Variants in ARRDC4 observed in about 807,000 individuals in gnomAD.
ARRDC4 encodes arrestin domain containing 4, also known as arrestin domain-containing protein 4.
ARRDC4 carries 40 observed loss-of-function variants against 44.6 expected under a neutral mutation model. The observed-to-expected ratio is 0.90, with a 90% CI of 0.70 to 1.17. The LOEUF is 1.17. ARRDC4 is among the 50% of genes most tolerant of loss of function. The probability of loss-of-function intolerance (pLI) is 0.00; values close to 1 mark genes in which losing one functional copy is unlikely to be tolerated. For missense variants in ARRDC4, 550 were observed against 559.1 expected (o/e 0.98, Z 0.16); for synonymous variants, 211 against 221.2 (o/e 0.95, Z 0.41).
Position 97,965,606 on chromosome 15 carries a change from G to A in ARRDC4, c.314G>A (p.Gly105Asp). ...AAAATACAATCTCTTATAGGTGAAG[G>A]CATCATTTTATTACAGCCTGGAAAA... Reference protein sequence around the residue: ...LSLREPPAGEGIILLQPGKHE... With the variant: ...LSLREPPAGEDIILLQPGKHE... Residue 105 changes from glycine (G) to aspartate (D), a missense_variant, in exon 2 of 8, where the codon GGC becomes GAC. Transcript: ENST00000268042. The surrounding 1 kb of genome is among the most constrained non-coding windows in gnomAD (Gnocchi z 5.1). The A allele has an allele frequency of 6.2e-7, 1 of 1,608,762 alleles. No homozygotes were observed. The highest frequency in any genetic ancestry group is 8.5e-7 in the Non-Finnish European group (1 of 1,175,238).
At position 97,965,983 on chromosome 15, in the gene ARRDC4, A is replaced by T; in HGVS notation, c.463A>T (p.Ser155Cys). Residue 155 changes from serine to cysteine, a missense_variant, in exon 3 of 8, where the codon AGT (serine) becomes TGT (cysteine). By Grantham distance (112) the Ser-to-Cys change is moderately radical (BLOSUM62 -1). Coordinates refer to ENST00000268042, the MANE Select transcript of ARRDC4 (RefSeq NM_183376.3). This position sits in a 1 kb window ranked among gnomAD's most constrained non-coding sequence, Gnocchi z 5.1. ...GGAACGACCCAAGGTACCTGATCAG[A>T]GTGTAAAGCGGGAACTCCAGGTTGT... ...VLERPKVPDQSVKRELQVVSH... is the reference protein window; with the variant it reads ...VLERPKVPDQCVKRELQVVSH... The T allele has an allele frequency of 6.2e-7, 1 of 1,614,188 alleles. No individual in the cohort carries two copies. Among genetic ancestry groups the T allele is most frequent in the Non-Finnish European group, 8.5e-7 (1 of 1,180,022 alleles).
Position 97,968,187 on chromosome 15 carries a change from A to C in ARRDC4, c.625+71A>C. 9.6e-7 allele frequency: 1 copy of C among 1,040,292 alleles called. No individual in the cohort carries two copies. 64.4% of individuals were successfully genotyped at this position (1,040,292 alleles called of 1,614,324 possible). On this transcript the variant is annotated intron_variant, in intron 4 of 7. Transcript: ENST00000268042. This position sits in a 1 kb window ranked among gnomAD's most constrained non-coding sequence, Gnocchi z 5.4. The stretch of plus-strand genomic sequence containing the variant: ...TCTTAGCTAATTTTAAGTGATTTTA[A>C]ATAGTGTTTTTTGTAATTATATGAC...
In ARRDC4 at chr15:97,970,636, C is replaced by G; in HGVS notation, c.1093C>G (p.His365Asp). Residue 365 changes from histidine (H) to aspartate (D), a missense_variant, in exon 7 of 8, where the codon CAC becomes GAC. By Grantham distance (81) the His-to-Asp change is moderately conservative. Transcript: ENST00000268042. This position sits in a 1 kb window ranked among gnomAD's most constrained non-coding sequence, Gnocchi z 4.2. ...GGTATCAGAGGAAGAATTCTCTAGA[C>G]ACATTCCTCCTTACCCTCAACCCCC... is the stretch of plus-strand genomic sequence containing the variant. ...DVVSEEEFSRHIPPYPQPPNC... is the reference protein window; with the variant it reads ...DVVSEEEFSRDIPPYPQPPNC... 1 of 1,613,264 alleles carries G rather than the reference C, an allele frequency of 6.2e-7. No homozygotes were observed. The highest frequency in any genetic ancestry group is 8.5e-7 in the Non-Finnish European group (1 of 1,179,384).
chr15:97,963,999 A>G (rs1252704508), intron 1 of ARRDC4, among the ~76,000 whole-genome samples: 1 of 152,124 alleles, frequency 6.6e-6, no homozygotes, highest in Non-Finnish European at 1.5e-5. Context: ...TGAATTTAAC[A>G]TGATCTCATG....
Position 97,969,301 on chromosome 15 carries a change from T to C in ARRDC4, c.804T>C (p.Asn268=). The C allele has an allele frequency of 1.9e-6, 3 of 1,613,862 alleles. No homozygotes were observed. The highest frequency in any genetic ancestry group is 2.5e-6 in the Non-Finnish European group (3 of 1,179,864). The change falls in exon 5 of 8, where the codon AAT becomes AAC. Residue 268 remains asparagine, a synonymous_variant. Coordinates refer to ENST00000268042, the MANE Select transcript of ARRDC4 (RefSeq NM_183376.3). The part of the protein sequence containing the change: ...HIASGSTDTW[N]GKTLKIPPVT... ...CTTCTGGGAGCACAGACACATGGAA[T>C]GGGAAAACGCTAAAAATCCCACCTG...
intron 1 of ARRDC4, among the ~76,000 whole-genome samples, chr15:97,961,457 G>A (rs1899319172): frequency 6.6e-6 from 1 of 152,214 alleles, no homozygotes; most frequent in South Asian, 2.1e-4. Context: ...CCTGTGATTG[G>A]ACAATGGGGG....
rs1899539914 is a variant in ARRDC4 at position 97,972,928 on chromosome 15, C to T, written c.*1741C>T. 6.6e-6 allele frequency: 1 copy of T among 152,558 alleles called. No individual in the cohort carries two copies. The highest frequency in any genetic ancestry group is 2.4e-5 in the African/African-American group (1 of 41,438). 9.5% of individuals were successfully genotyped at this position (152,558 alleles called of 1,614,324 possible). A position where few individuals can be genotyped will look rare whatever the true frequency, so the allele number is the denominator to read the frequency against. On this transcript the variant is annotated 3_prime_UTR_variant, in exon 8 of 8. Coordinates refer to ENST00000268042, the MANE Select transcript of ARRDC4 (RefSeq NM_183376.3). This position sits in a 1 kb window ranked among gnomAD's most constrained non-coding sequence, Gnocchi z 5.3. ...CGTGCATAGTTCTTTCATTGTAAGCCGCTATTTAAATTCCCACAATGCAAA... is the reference window on the plus strand; with the variant it reads ...CGTGCATAGTTCTTTCATTGTAAGCTGCTATTTAAATTCCCACAATGCAAA...
chr15:97,962,654 A>G (rs1899341701), intron 1 of ARRDC4, among the ~76,000 whole-genome samples: 1 of 152,220 alleles, frequency 6.6e-6, no homozygotes, highest in South Asian at 2.1e-4. Flanking sequence ...TGTGGAACAG[A>G]ATGTAAAAAC....
Position 97,968,113 on chromosome 15 carries a change from A to G in ARRDC4, c.622A>G (p.Asn208Asp). ...SAKIERKGYC[N>D]GEAIPIYAEI... ...CAAAATTGAAAGAAAGGGATACTGT[A>G]ATGGTAAGCAAAATGCTTGAAAGTC... The change falls in exon 4 of 8, where the codon AAT becomes GAT. Residue 208 changes from asparagine (N) to aspartate (D), a missense_variant. Asn to Asp is a conservative substitution (Grantham distance 23). Transcript: ENST00000268042. The surrounding 1 kb of genome is among the most constrained non-coding windows in gnomAD (Gnocchi z 5.4). The G allele has an allele frequency of 3.2e-6, 5 of 1,553,094 alleles. No homozygotes were observed. The highest frequency in any genetic ancestry group is 2.0e-5 in the Admixed American group (1 of 49,252).
Position 97,965,694 on chromosome 15 carries a change from T to C in ARRDC4, c.374+28T>C. The C allele has an allele frequency of 2.5e-6, 4 of 1,595,220 alleles. No homozygotes were observed. The highest frequency in any genetic ancestry group is 3.4e-6 in the Non-Finnish European group (4 of 1,162,832). On this transcript the variant is annotated intron_variant, in intron 2 of 7. Transcript: ENST00000268042. The surrounding 1 kb of genome is among the most constrained non-coding windows in gnomAD (Gnocchi z 5.1). ...AAGTGAAACACTACAATTTTGTGGT[T>C]ATCCTTCTCTGCAGTATGTCCATTC... is the stretch of plus-strand genomic sequence containing the variant.
intron 1 of ARRDC4, among the ~76,000 whole-genome samples, chr15:97,964,599 G>A (rs1899382769): frequency 6.6e-6 from 1 of 151,958 alleles, no homozygotes. Context: ...CTGCATTTTG[G>A]CCTTCTCACA....
At chr15:97,964,995 C>CATAT (rs1555456247) in intron 1 of ARRDC4, among the ~76,000 whole-genome samples, 4 of 133,056 alleles carry the variant, frequency 3.0e-5, no homozygotes, top group African/African-American at 1.1e-4. Context: ...GTGATTTTTA[C>CATAT]ATACACACAC....
At chr15:97,961,935 C>T (rs1266614094) in intron 1 of ARRDC4, among the ~76,000 whole-genome samples, 1 of 152,130 alleles carries the variant, frequency 6.6e-6, no homozygotes, top group Non-Finnish European at 1.5e-5. Flanking sequence ...GTAGACTTTT[C>T]CAGAAGTACC....
In ARRDC4 at chr15:97,966,157, T is replaced by G; in HGVS notation, c.522+115T>G. ...TTACTGGTAGTCTGTCCTGTCACTT[T>G]CTGATGGCTTGGAAAACACAATCTT... On this transcript the variant is annotated intron_variant, in intron 3 of 7. Coordinates refer to ENST00000268042, the MANE Select transcript of ARRDC4 (RefSeq NM_183376.3). This position sits in a 1 kb window ranked among gnomAD's most constrained non-coding sequence, Gnocchi z 4.7. 8.2e-7 allele frequency: 1 copy of G among 1,213,974 alleles called. No homozygotes were observed. The highest frequency in any genetic ancestry group is 1.1e-6 in the Non-Finnish European group (1 of 876,272). The allele number at this position is 1,213,974 out of a possible 1,614,324, so 75.2% of individuals were successfully genotyped here. A position where few individuals can be genotyped will look rare whatever the true frequency, so the allele number is the denominator to read the frequency against.
Position 97,967,580 on chromosome 15 carries a change from T to G in ARRDC4, c.523-434T>G, listed in dbSNP as rs1899439044. ...GAAAAGGCTGTTTGTTTATTCCACTTTATTAAATGCCAAAATAAATATAAT... is the reference window on the plus strand; with the variant it reads ...GAAAAGGCTGTTTGTTTATTCCACTGTATTAAATGCCAAAATAAATATAAT... On this transcript the variant is annotated intron_variant, in intron 3 of 7. Transcript: ENST00000268042. This position sits in a 1 kb window ranked among gnomAD's most constrained non-coding sequence, Gnocchi z 5.0. Among the ~76,000 whole-genome samples, 1 of 139,692 alleles carries G rather than the reference T, an allele frequency of 7.2e-6. No individual in the cohort carries two copies. The highest frequency in any genetic ancestry group is 6.8e-5 in the Admixed American group (1 of 14,724). 91.6% of individuals were successfully genotyped at this position (139,692 alleles called of 152,430 possible). A position where few individuals can be genotyped will look rare whatever the true frequency, so the allele number is the denominator to read the frequency against.
chr15:97,968,465 C>T lies in ARRDC4; in HGVS notation c.625+349C>T, dbSNP rs1286515167. On this transcript the variant is annotated intron_variant, in intron 4 of 7. Transcript: ENST00000268042. This position sits in a 1 kb window ranked among gnomAD's most constrained non-coding sequence, Gnocchi z 5.4. Reference sequence around the variant, plus strand: ...TACTGGAGTATGAAATGCTATTAGACATTCTGATTCCATGCTGGCTTGATA... The same window carrying T: ...TACTGGAGTATGAAATGCTATTAGATATTCTGATTCCATGCTGGCTTGATA... Among the ~76,000 whole-genome samples, 1 of 152,180 alleles carries T rather than the reference C, an allele frequency of 6.6e-6. No homozygotes were observed. The highest frequency in any genetic ancestry group is 1.5e-5 in the Non-Finnish European group (1 of 68,040).
chr15:97,961,030 C>G lies in ARRDC4; in HGVS notation c.169C>G (p.Leu57Val). ...SEPVALRALRLEAQGRATAAW... is the reference protein window; with the variant it reads ...SEPVALRALRVEAQGRATAAW... ...GCCGGTGGCCCTGCGCGCGCTGCGCCTGGAGGCCCAGGGGCGCGCCACCGC... is the reference window on the plus strand; with the variant it reads ...GCCGGTGGCCCTGCGCGCGCTGCGCGTGGAGGCCCAGGGGCGCGCCACCGC... The change falls in exon 1 of 8, where the codon CTG becomes GTG. Residue 57 changes from leucine to valine, a missense_variant. Transcript: ENST00000268042. 1 of 1,436,822 alleles carries G rather than the reference C, an allele frequency of 7.0e-7. No homozygotes were observed. Among genetic ancestry groups the G allele is most frequent in the Non-Finnish European group, 9.1e-7 (1 of 1,095,788 alleles). The allele number at this position is 1,436,822 out of a possible 1,614,324, so 89.0% of individuals were successfully genotyped here.
In ARRDC4 at chr15:97,965,616, A is replaced by G. The variant is rs1335893839; in HGVS notation, c.324A>G (p.Leu108=). 2 of 1,612,412 alleles carry G rather than the reference A, an allele frequency of 1.2e-6. No individual in the cohort carries two copies. The highest frequency in any genetic ancestry group is 1.7e-6 in the Non-Finnish European group (2 of 1,178,594). Residue 108 remains leucine, a synonymous_variant, in exon 2 of 8, where the codon TTA becomes TTG. Transcript: ENST00000268042. This position sits in a 1 kb window ranked among gnomAD's most constrained non-coding sequence, Gnocchi z 5.1. ...CTCTTATAGGTGAAGGCATCATTTT[A>G]TTACAGCCTGGAAAACATGAATTTC... ...REPPAGEGII[L]LQPGKHEFPF...
At chr15:97,971,032 G>T in intron 7 of ARRDC4, 99 bp from the exon 8 acceptor site, 1 of 1,345,092 alleles carries the variant, frequency 7.4e-7, no homozygotes, top group South Asian at 1.2e-5. Flanking sequence ...CACAGGCTCT[G>T]ACCAGCTTGG....
Sources: allele counts gnomAD v4.1 joint callset (sites outside exome capture counted in the v4.1 genomes callset), GRCh38; gene constraint gnomAD v4.1.1; non-coding constraint Gnocchi (gnomAD v3.1); transcripts MANE v1.5; gene names NCBI Gene and HGNC (gene_info 2026-07-23, HGNC 2026-07-21).